Variants in NVL observed in about 807,000 individuals in gnomAD.
The protein encoded by NVL is nuclear valosin-containing protein-like.
A neutral mutation model predicts 110.2 loss-of-function variants in NVL; 84 were observed. The observed-to-expected ratio is 0.76, with a 90% CI of 0.64 to 0.91. The LOEUF (loss-of-function observed/expected upper bound fraction) is 0.91, where lower values mean the gene tolerates loss of function less well. NVL is among the 40% of genes least tolerant of loss of function. The probability of loss-of-function intolerance (pLI) is 0.00; values close to 1 mark genes in which losing one functional copy is unlikely to be tolerated. For missense variants in NVL, 882 were observed against 1,035.9 expected, an observed-to-expected ratio of 0.85 and a Z score of 2.04; for synonymous variants, 354 against 361.1, an observed-to-expected ratio of 0.98 and a Z score of 0.22.
Position 224,305,153 on chromosome 1 carries a change from G to A in NVL, c.629C>T (p.Ser210Phe). 1.9e-6 allele frequency: 3 copies of A among 1,604,368 alleles called. No homozygotes were observed. Among genetic ancestry groups the A allele is most frequent in the Middle Eastern group, 1.7e-4 (1 of 6,028 alleles). ...TTTCATATCACTCTCCAAAAGAGAA[G>A]AATCTTTTGAATCCTGGAAAGAAAA... ...PITEIQDSKD[S>F]SLLESDMKRK... The change falls in exon 7 of 23, where the codon TCT becomes TTT. Residue 210 changes from serine (S) to phenylalanine (F), a missense_variant. Around this residue, in one of 4 missense-constraint regions of NVL, gnomAD observed 274 missense variants for 268.4 expected, o/e 1.02. Transcript: ENST00000281701.
At chr1:224,281,312 TGA>T in intron 15 of NVL, 127 bp from the exon 16 acceptor site, 7 of 749,236 alleles carry the variant, frequency 9.3e-6, no homozygotes, top group African/African-American at 1.8e-5. Flanking sequence ...TGTGTGTGTG[TGA>T]GATTTAGATG....
chr1:224,231,441 A>G (rs1041424002), intron 21 of NVL, 145 bp from the exon 22 acceptor site: 4 of 631,182 alleles, frequency 6.3e-6, no homozygotes, highest in Admixed American at 2.7e-5. Flanking sequence ...TTTTCAGAAC[A>G]GTATTCTAGC....
chr1:224,237,057 T>C (rs957329547), intron 19 of NVL, among the ~76,000 whole-genome samples: 2 of 152,178 alleles, frequency 1.3e-5, no homozygotes, highest in African/African-American at 4.8e-5. Context: ...GATTCCAAAC[T>C]TGAGAAAGCT....
chr1:224,328,616 C>T (rs1346861924), intron 1 of NVL, among the ~76,000 whole-genome samples: 1 of 152,052 alleles, frequency 6.6e-6, no homozygotes, highest in African/African-American at 2.4e-5. Context: ...CAGGGAAAGA[C>T]AGTAAGAAGT....
chr1:224,294,659 A>C (rs1003306752), intron 11 of NVL, among the ~76,000 whole-genome samples: 1 of 152,208 alleles, frequency 6.6e-6, no homozygotes, highest in Non-Finnish European at 1.5e-5. Context: ...AAATGGCATC[A>C]GACAAATTTT....
chr1:224,244,813 G>A lies in NVL; in HGVS notation c.2289+5399C>T, dbSNP rs183591184. 1.3e-3 allele frequency among the ~76,000 whole-genome samples: 205 copies of A among 151,928 alleles called. 2 individuals are homozygous for A. Among genetic ancestry groups the A allele is most frequent in the Non-Finnish European group, 2.4e-3 (161 of 67,988 alleles). On this transcript the variant is annotated intron_variant, in intron 19 of 22. Transcript: ENST00000281701. Reference sequence around the variant, plus strand: ...AGTGATTCTTTTGCCTCAGCCTCCTGAGTAGCCGGGACTACAGGCACGCAC... The same window carrying A: ...AGTGATTCTTTTGCCTCAGCCTCCTAAGTAGCCGGGACTACAGGCACGCAC...
chr1:224,230,859 C>A (rs377719961), intron 22 of NVL, among the ~76,000 whole-genome samples: 1 of 152,046 alleles, frequency 6.6e-6, no homozygotes, highest in African/African-American at 2.4e-5. Flanking sequence ...TTCAGCCGGG[C>A]GCGGTGGCTC....
rs532972502 is a variant in NVL at position 224,278,163 on chromosome 1, T to C, written c.1963-2705A>G. 1.8e-4 allele frequency among the ~76,000 whole-genome samples: 28 copies of C among 152,046 alleles called. No individual in the cohort carries two copies. In the South Asian group the frequency reaches 4.8e-3, roughly 26 times the overall value. ...CTCCAGATGGCTGTTTAATCTAAAATGTCCTAGAGTGAACTCATTTTCCAA... is the reference window on the plus strand; with the variant it reads ...CTCCAGATGGCTGTTTAATCTAAAACGTCCTAGAGTGAACTCATTTTCCAA... On this transcript the variant is annotated intron_variant, in intron 16 of 22. Coordinates refer to ENST00000281701, the MANE Select transcript of NVL (RefSeq NM_002533.4).
chr1:224,284,802 G>T (rs1271169164), intron 15 of NVL, among the ~76,000 whole-genome samples: 2 of 152,154 alleles, frequency 1.3e-5, no homozygotes, highest in Non-Finnish European at 2.9e-5. Context: ...TGGGAAAATT[G>T]ATTCTCATAC....
At position 224,324,543 on chromosome 1, in the gene NVL, C is replaced by A. The variant is rs144075837; in HGVS notation, c.131+1848G>T. On this transcript the variant is annotated intron_variant, in intron 2 of 22. Coordinates refer to ENST00000281701, the MANE Select transcript of NVL (RefSeq NM_002533.4). ...TCCTGGGCTCAAGCGATCCTCCCAC[C>A]TCAGCCTCTTGAGTAGCAAGGACTA... is the stretch of plus-strand genomic sequence containing the variant. Among the ~76,000 whole-genome samples, 6 of 152,350 alleles carry A rather than the reference C, an allele frequency of 3.9e-5. No homozygotes were observed. The East Asian group carries it at 1.2e-3, about 29-fold the overall frequency.
Position 224,327,200 on chromosome 1 carries a change from T to G in NVL, c.58-736A>C, listed in dbSNP as rs367631089. On this transcript the variant is annotated intron_variant, in intron 1 of 22. Transcript: ENST00000281701. ...GCTCACACCCGTAATCCCAGCACTTTGAGAGGCCAAGGCGGGAGGATTGCT... is the reference window on the plus strand; with the variant it reads ...GCTCACACCCGTAATCCCAGCACTTGGAGAGGCCAAGGCGGGAGGATTGCT... Among the ~76,000 whole-genome samples, 140 of 152,052 alleles carry G rather than the reference T, an allele frequency of 9.2e-4. 1 individual carries two copies. The highest frequency in any genetic ancestry group is 3.3e-3 in the African/African-American group (136 of 41,476).
chr1:224,281,316 AT>A, intron 15 of NVL, 131 bp from the exon 16 acceptor site: 1 of 593,726 alleles, frequency 1.7e-6, no homozygotes, highest in Non-Finnish European at 2.9e-6. Flanking sequence ...TGTGTGTGAG[AT>A]TTAGATGGAG....
intron 19 of NVL, among the ~76,000 whole-genome samples, chr1:224,238,746 C>T (rs1297624879): frequency 6.6e-6 from 1 of 152,068 alleles, no homozygotes; most frequent in Non-Finnish European, 1.5e-5. Context: ...AGTGGTCAAT[C>T]CTGGGGGCAG....
intron 2 of NVL, among the ~76,000 whole-genome samples, chr1:224,318,825 T>C (rs1189648853): frequency 2.3e-5 from 3 of 128,972 alleles, no homozygotes; most frequent in African/African-American, 5.7e-5. Context: ...CTTCTAAAAA[T>C]AAAAAAAAAA....
At chr1:224,304,382 G>A (rs900703704) in intron 8 of NVL, among the ~76,000 whole-genome samples, 2 of 151,618 alleles carry the variant, frequency 1.3e-5, no homozygotes, top group Admixed American at 6.6e-5. Flanking sequence ...CCAAGATCGC[G>A]CCACTGCACT....
chr1:224,265,233 A>C (rs1664379491), intron 18 of NVL, among the ~76,000 whole-genome samples: 1 of 151,746 alleles, frequency 6.6e-6, no homozygotes. Context: ...GGCCAGGCGC[A>C]GTGGCTCATG....
intron 12 of NVL, among the ~76,000 whole-genome samples, chr1:224,292,547 G>C (rs150723220): frequency 6.6e-6 from 1 of 152,080 alleles, no homozygotes; most frequent in South Asian, 2.1e-4. Context: ...ACCCAGTCCC[G>C]CCTAGGTCTG....
chr1:224,276,481 A>G (rs1571917783), intron 16 of NVL, among the ~76,000 whole-genome samples: 1 of 151,920 alleles, frequency 6.6e-6, no homozygotes, highest in African/African-American at 2.4e-5. Context: ...TCAAATATCC[A>G]CCTGACTCAG....
chr1:224,319,894 T>A (rs1175327540), intron 2 of NVL, among the ~76,000 whole-genome samples: 2 of 152,178 alleles, frequency 1.3e-5, no homozygotes, highest in Non-Finnish European at 2.9e-5. Context: ...GAAGTCAAAT[T>A]GCTTCTTTGG....
Sources: gnomAD v4.1 joint callset for allele counts (sites outside exome capture counted in the v4.1 genomes callset) on GRCh38, gnomAD v4.1.1 for gene constraint, gnomAD v4.1.1 regional missense constraint, MANE v1.5 for transcripts, NCBI Gene and HGNC (gene_info 2026-07-23, HGNC 2026-07-21) for gene names.